AGBL5: variants seen among roughly 807,000 people sequenced by gnomAD.
AGBL5 encodes the protein AGBL carboxypeptidase 5, also known as cytosolic carboxypeptidase-like protein 5.
AGBL5 carries 51 observed loss-of-function variants against 88.0 expected under a neutral mutation model. The ratio of observed to expected loss-of-function variants is 0.58; its 90% CI spans 0.46 to 0.73. AGBL5 has a LOEUF of 0.73. Among genes scored for constraint, AGBL5 ranks in the 30% least tolerant of loss-of-function variants. The probability of loss-of-function intolerance (pLI) is 0.00; values close to 1 mark genes in which losing one functional copy is unlikely to be tolerated. For synonymous variants in AGBL5, 446 were observed against 438.8 expected (o/e 1.02, Z -0.21); for missense variants, 1,031 against 1,162.2 (o/e 0.89, Z 1.64).
chr2:27,051,196 A>AAGAACT (rs1668101040), upstream of AGBL5, among the ~76,000 whole-genome samples: 1 of 152,184 alleles, frequency 6.6e-6, no homozygotes, highest in Non-Finnish European at 1.5e-5. Context: ...GGCAAAGGGA[A>AAGAACT]AGAACTAAGC....
chr2:27,065,857 T>C (rs1006103671), intron 11 of AGBL5, among the ~76,000 whole-genome samples: 5 of 152,202 alleles, frequency 3.3e-5, no homozygotes, highest in African/African-American at 7.2e-5. Flanking sequence ...ATGGGGTCTA[T>C]AGCAGAGGGT....
chr2:27,057,389 C>T lies in AGBL5; in HGVS notation c.1622C>T (p.Pro541Leu), dbSNP rs776275575. ...CATGACAATGGGCGTGCCAGCCCCC[C>T]TCCCCCGCCGGCTTTCCCCTCCAGA... ...ACHDNGRASP[P>L]PPPAFPSRYT... Residue 541 changes from proline to leucine, a missense_variant, in exon 9 of 15, where the codon CCT becomes CTT. By Grantham distance (98) the Pro-to-Leu change is moderately conservative. Transcript: ENST00000360131. 1.9e-6 allele frequency: 3 copies of T among 1,614,034 alleles called. No homozygotes were observed. The highest frequency in any genetic ancestry group is 2.5e-6 in the Non-Finnish European group (3 of 1,179,966).
At chr2:27,067,365 G>A in intron 11 of AGBL5, 129 bp from the exon 12 acceptor site, 1 of 808,468 alleles carries the variant, frequency 1.2e-6, no homozygotes, top group Non-Finnish European at 2.0e-6. Flanking sequence ...CTTCAGGAGA[G>A]GGATGTGGGT....
upstream of AGBL5, among the ~76,000 whole-genome samples, chr2:27,050,766 T>C (rs184685495): frequency 5.1e-4 from 77 of 152,100 alleles, no homozygotes; most frequent in East Asian, 3.9e-3. Flanking sequence ...ATCAGCAGCA[T>C]CTTATCGCAG....
chr2:27,052,646 T>A (rs1352676634), intron 1 of AGBL5: 4 of 212,078 alleles, frequency 1.9e-5, no homozygotes, highest in African/African-American at 9.1e-5. Flanking sequence ...TTCAACATAG[T>A]TAAGCCACTG....
At position 27,069,433 on chromosome 2, in the gene AGBL5, C is replaced by T. The variant is rs1030718402; in HGVS notation, c.2356-140C>T. ...TCTGGCTATTATCTTGCCTCACCCT[C>T]TCAGCTAGAATTCAATGTCCCAGTA... On this transcript the variant is annotated intron_variant, in intron 13 of 14. Coordinates refer to ENST00000360131, the MANE Select transcript of AGBL5 (RefSeq NM_021831.6). 9.2e-6 allele frequency: 14 copies of T among 1,513,994 alleles called. 1 individual carries two copies. The Admixed American group carries it at 2.4e-4, about 26-fold the overall frequency. The allele number at this position is 1,513,994 out of a possible 1,614,324, so 93.8% of individuals were successfully genotyped here. A position where few individuals can be genotyped will look rare whatever the true frequency, so the allele number is the denominator to read the frequency against.
Position 27,055,243 on chromosome 2 carries a change from G to A in AGBL5, c.898G>A (p.Gly300Arg). The change falls in exon 6 of 15, where the codon GGA (glycine) becomes AGA (arginine). Residue 300 changes from glycine (G) to arginine (R), a missense_variant. By Grantham distance (125) the Gly-to-Arg change is moderately radical. Around this residue, in one of 2 missense-constraint regions of AGBL5, gnomAD observed 540 missense variants for 678.2 expected, o/e 0.80. Transcript: ENST00000360131. ...PMLNPDGVVR[G>R]HYRTDSRGVN... ...GTTGAACCCCGATGGTGTGGTCCGG[G>A]GACACTACCGGTAAGTGGCTTCCCC... 6.2e-7 allele frequency: 1 copy of A among 1,614,046 alleles called. No homozygotes were observed. The highest frequency in any genetic ancestry group is 8.5e-7 in the Non-Finnish European group (1 of 1,179,972).
At position 27,059,374 on chromosome 2, in the gene AGBL5, G is replaced by C; in HGVS notation, c.2059G>C (p.Val687Leu). The change falls in exon 11 of 15, where the codon GTC becomes CTC. Residue 687 changes from valine to leucine, a missense_variant. Transcript: ENST00000360131. ...LPGLGSSTQK[V>L]THRVLGPVRE... is the part of the protein sequence containing the mutation. The stretch of plus-strand genomic sequence containing the variant: ...AGGCCTGGGCTCTAGTACCCAAAAG[G>C]TCACCCACCGGGTGCTGGGCCCCGT... 1 of 1,614,218 alleles carries C rather than the reference G, an allele frequency of 6.2e-7. No individual in the cohort carries two copies. The highest frequency in any genetic ancestry group is 8.5e-7 in the Non-Finnish European group (1 of 1,180,040).
intron 4 of AGBL5, 71 bp downstream of exon 4, chr2:27,054,130 G>C (rs1558412840): frequency 1.3e-6 from 2 of 1,493,850 alleles, no homozygotes; most frequent in Non-Finnish European, 1.8e-6. Flanking sequence ...TCTGGAATTT[G>C]CTCTTAGAGC....
At chr2:27,058,057 A>C (rs937972216) in intron 9 of AGBL5, among the ~76,000 whole-genome samples, 3 of 152,074 alleles carry the variant, frequency 2.0e-5, no homozygotes, top group Non-Finnish European at 4.4e-5. Flanking sequence ...CAGCCTGGGC[A>C]ATAGATCAAG....
At chr2:27,063,700 C>A (rs904460715) in intron 11 of AGBL5, among the ~76,000 whole-genome samples, 1 of 152,108 alleles carries the variant, frequency 6.6e-6, no homozygotes, top group Non-Finnish European at 1.5e-5. Context: ...GTGCTAGGGA[C>A]GGTTCCAAAG....
At chr2:27,068,006 G>A (rs970010178) in intron 12 of AGBL5, among the ~76,000 whole-genome samples, 9 of 152,122 alleles carry the variant, frequency 5.9e-5, no homozygotes, top group Non-Finnish European at 1.0e-4. Context: ...AAAGCATGAC[G>A]GTACTTTCTC....
chr2:27,061,396 C>G (rs1016646115), intron 11 of AGBL5, among the ~76,000 whole-genome samples: 1 of 152,190 alleles, frequency 6.6e-6, no homozygotes, highest in African/African-American at 2.4e-5. Flanking sequence ...GCCACCACGT[C>G]TGGCTAATTT....
upstream of AGBL5, among the ~76,000 whole-genome samples, chr2:27,051,213 C>T (rs181071032): frequency 8.2e-4 from 125 of 152,240 alleles, 1 homozygote; most frequent in Non-Finnish European, 1.5e-3. Flanking sequence ...AAGCAGCAGG[C>T]GGGGGATTAG....
intron 12 of AGBL5, chr2:27,067,877 CTT>C: frequency 1.7e-6 from 1 of 589,402 alleles, no homozygotes; most frequent in Non-Finnish European, 3.1e-6. Flanking sequence ...GCTCTACACA[CTT>C]AATCTCATTT....
At chr2:27,062,146 G>A (rs570160575) in intron 11 of AGBL5, among the ~76,000 whole-genome samples, 13 of 113,872 alleles carry the variant, frequency 1.1e-4, no homozygotes, top group African/African-American at 3.2e-4. Context: ...TTTTTGAGAC[G>A]GAATTTCACT....
At chr2:27,060,510 A>G (rs1272573690) in intron 11 of AGBL5, among the ~76,000 whole-genome samples, 1 of 152,232 alleles carries the variant, frequency 6.6e-6, no homozygotes, top group African/African-American at 2.4e-5. Context: ...AGTCTTGCCC[A>G]GAGTATGGAG....
At chr2:27,058,304 G>T (rs1428139759) in intron 9 of AGBL5, 96 bp from the exon 10 acceptor site, 5 of 1,396,274 alleles carry the variant, frequency 3.6e-6, no homozygotes, top group Non-Finnish European at 5.1e-6. Context: ...TATAGGTCTG[G>T]CCCCTCCTTC....
At chr2:27,058,881 A>G (rs1244435698) in intron 10 of AGBL5, among the ~76,000 whole-genome samples, 1 of 152,246 alleles carries the variant, frequency 6.6e-6, no homozygotes, top group African/African-American at 2.4e-5. Context: ...GCAGTGGGGC[A>G]GGCCTCAGCT....
Sources: allele counts gnomAD v4.1 joint callset (sites outside exome capture counted in the v4.1 genomes callset), GRCh38; gene constraint gnomAD v4.1.1; regional missense constraint gnomAD v4.1.1; transcripts MANE v1.5; gene names NCBI Gene and HGNC (gene_info 2026-07-23, HGNC 2026-07-21).